SGCZ: variants seen among roughly 807,000 people sequenced by gnomAD.
SGCZ encodes the protein zeta-sarcoglycan.
In SGCZ, 40 loss-of-function variants were observed where a neutral mutation model predicts 41.3. The ratio of observed to expected loss-of-function variants is 0.97; its 90% confidence interval spans 0.75 to 1.26. The LOEUF (loss-of-function observed/expected upper bound fraction) is 1.26. Ranked by LOEUF, SGCZ falls within the 50% of genes most tolerant of loss-of-function variation. SGCZ has a pLI of 0.00. For missense variants in SGCZ, 552 were observed against 369.8 expected (o/e 1.49, Z -4.04); for synonymous variants, 206 against 137.5 (o/e 1.50, Z -3.49).
At chr8:14,604,897 C>T (rs972462751) in intron 1 of SGCZ, among the ~76,000 whole-genome samples, 1 of 152,222 alleles carries the variant, frequency 6.6e-6, no homozygotes, top group Non-Finnish European at 1.5e-5. Context: ...CTTTCAGTAA[C>T]AGTTACTACA....
At position 14,218,953 on chromosome 8, in the gene SGCZ, T is replaced by A. The variant is rs186700125; in HGVS notation, c.424+18639A>T. Among the ~76,000 whole-genome samples, 18 of 152,282 alleles carry A rather than the reference T, an allele frequency of 1.2e-4. 1 individual carries two copies. In the East Asian group the frequency reaches 3.5e-3, roughly 29 times the overall value. ...ATTCTCTTACAGCTACACGGAGAAA[T>A]TGCCAAAGAACTCAACGTTGACCGT... is the stretch of plus-strand genomic sequence containing the variant. On this transcript the variant is annotated intron_variant, in intron 4 of 7. Coordinates refer to ENST00000382080, the MANE Select transcript of SGCZ (RefSeq NM_139167.4).
At chr8:14,747,246 T>G (rs2130302883) in intron 1 of SGCZ, among the ~76,000 whole-genome samples, 1 of 152,272 alleles carries the variant, frequency 6.6e-6, no homozygotes, top group African/African-American at 2.4e-5. Flanking sequence ...CTGAGTCGTG[T>G]GTGAATACCC....
chr8:14,131,655 C>G (rs1468525078), intron 5 of SGCZ, among the ~76,000 whole-genome samples: 2 of 152,174 alleles, frequency 1.3e-5, no homozygotes, highest in East Asian at 1.9e-4. Flanking sequence ...GCTTCTTGGA[C>G]AGGCATATGC....
intron 2 of SGCZ, among the ~76,000 whole-genome samples, chr8:14,484,509 G>A (rs1350089898): frequency 3.3e-5 from 5 of 152,124 alleles, no homozygotes; most frequent in African/African-American, 9.7e-5. Flanking sequence ...ATCTTGGTTA[G>A]CAGTTTCCCG....
chr8:14,533,064 A>G (rs1265023534), intron 2 of SGCZ, among the ~76,000 whole-genome samples: 1 of 152,010 alleles, frequency 6.6e-6, no homozygotes, highest in East Asian at 1.9e-4. Context: ...TTACATATAT[A>G]TACATGTGCC....
intron 1 of SGCZ, among the ~76,000 whole-genome samples, chr8:14,839,897 G>C (rs941321848): frequency 4.4e-4 from 67 of 152,110 alleles, no homozygotes; most frequent in African/African-American, 1.6e-3. Flanking sequence ...TTTTAAATCA[G>C]TAGAAATGAT....
intron 3 of SGCZ, among the ~76,000 whole-genome samples, chr8:14,318,733 C>A (rs1465916688): frequency 6.6e-6 from 1 of 151,986 alleles, no homozygotes; most frequent in Non-Finnish European, 1.5e-5. Context: ...GTCTGCCTTT[C>A]CCTTTCCAAC....
At chr8:14,203,188 G>A (rs149000815) in intron 4 of SGCZ, among the ~76,000 whole-genome samples, 27 of 152,252 alleles carry the variant, frequency 1.8e-4, no homozygotes, top group Non-Finnish European at 3.4e-4. Flanking sequence ...TCAGCAGTGC[G>A]AAAGCAGACT....
At chr8:14,365,050 C>T (rs923869465) in intron 2 of SGCZ, among the ~76,000 whole-genome samples, 1 of 151,884 alleles carries the variant, frequency 6.6e-6, no homozygotes, top group African/African-American at 2.4e-5. Context: ...ATAATGTTGA[C>T]ATTTTAAGTA....
intron 1 of SGCZ, among the ~76,000 whole-genome samples, chr8:14,607,652 C>T (rs907752324): frequency 6.6e-6 from 1 of 152,014 alleles, no homozygotes; most frequent in Non-Finnish European, 1.5e-5. Flanking sequence ...AGGGTAGTGA[C>T]AATTATAAAA....
At chr8:14,812,716 G>A (rs992716084) in intron 1 of SGCZ, among the ~76,000 whole-genome samples, 3 of 152,068 alleles carry the variant, frequency 2.0e-5, no homozygotes, top group Admixed American at 6.5e-5. Context: ...ACAATCAGAC[G>A]GTTTAAATGA....
At chr8:14,986,722 A>T (rs1042787185) in intron 1 of SGCZ, among the ~76,000 whole-genome samples, 2 of 152,034 alleles carry the variant, frequency 1.3e-5, no homozygotes, top group African/African-American at 4.8e-5. Flanking sequence ...GTGCAAGATT[A>T]TCTCTCCTGA....
intron 1 of SGCZ, among the ~76,000 whole-genome samples, chr8:15,144,165 G>C (rs756039850): frequency 6.6e-6 from 1 of 152,176 alleles, no homozygotes; most frequent in Non-Finnish European, 1.5e-5. Context: ...TTTGAAGTTG[G>C]TGTAATAAAA....
At chr8:14,945,431 G>A (rs896360221) in intron 1 of SGCZ, among the ~76,000 whole-genome samples, 14 of 152,052 alleles carry the variant, frequency 9.2e-5, no homozygotes, top group African/African-American at 3.1e-4. Flanking sequence ...AGGCCTCTGT[G>A]CTTGGCAGTC....
At chr8:14,866,762 C>T (rs1014732653) in intron 1 of SGCZ, among the ~76,000 whole-genome samples, 8 of 151,936 alleles carry the variant, frequency 5.3e-5, no homozygotes, top group African/African-American at 1.9e-4. Flanking sequence ...CCATTTTACA[C>T]CAGCCTGGAA....
At chr8:14,701,114 C>A (rs1480042366) in intron 1 of SGCZ, among the ~76,000 whole-genome samples, 19 of 151,836 alleles carry the variant, frequency 1.3e-4, no homozygotes, top group Admixed American at 1.3e-3. Flanking sequence ...CTATCCAGAA[C>A]AAAATTCCTT....
At chr8:15,217,347 G>A (rs556556853) in intron 1 of SGCZ, among the ~76,000 whole-genome samples, 10 of 151,496 alleles carry the variant, frequency 6.6e-5, no homozygotes, top group African/African-American at 2.4e-4. Context: ...AACCCGGGAG[G>A]CGGAGCTTGC....
chr8:14,547,200 G>C (rs1051079099), intron 2 of SGCZ, among the ~76,000 whole-genome samples: 1 of 152,008 alleles, frequency 6.6e-6, no homozygotes, highest in Non-Finnish European at 1.5e-5. Context: ...AGCATATTTA[G>C]AATCAACACA....
chr8:14,743,919 C>A (rs2053492), intron 1 of SGCZ, among the ~76,000 whole-genome samples: 1 of 151,848 alleles, frequency 6.6e-6, no homozygotes, highest in South Asian at 2.1e-4. Flanking sequence ...GTATTTTATT[C>A]TGGGGATCCG....
Sources: gnomAD v4.1 joint callset for allele counts (sites outside exome capture counted in the v4.1 genomes callset) on GRCh38, gnomAD v4.1.1 for gene constraint, MANE v1.5 for transcripts, NCBI Gene and HGNC (gene_info 2026-07-23, HGNC 2026-07-21) for gene names.